The following GALNT18 variants were observed in gnomAD, a reference collection of about 807,000 sequenced individuals.
GALNT18 encodes GalNAc-transferase 18.
A neutral mutation model predicts 69.5 loss-of-function variants in GALNT18; 44 were observed. The observed-to-expected ratio is 0.63, with a 90% CI of 0.50 to 0.81. GALNT18 has a LOEUF of 0.81. GALNT18 is among the 40% of genes least tolerant of loss of function. The pLI is 0.00. For synonymous variants in GALNT18, 364 were observed against 318.2 expected (o/e 1.14, Z -1.53); for missense variants, 715 against 810.0 (o/e 0.88, Z 1.42).
intron 10 of GALNT18, among the ~76,000 whole-genome samples, chr11:11,287,770 T>G (rs994462440): frequency 1.2e-4 from 18 of 152,194 alleles, no homozygotes; most frequent in African/African-American, 4.1e-4. Flanking sequence ...CATGTGCTGA[T>G]GCGGGAGACA....
Position 11,582,970 on chromosome 11 carries a change from C to A in GALNT18, c.235+38389G>T, listed in dbSNP as rs572828662. Among the ~76,000 whole-genome samples, 2 of 152,266 alleles carry A rather than the reference C, an allele frequency of 1.3e-5. No homozygotes were observed. Among genetic ancestry groups the A allele is most frequent in the East Asian group, 3.9e-4 (2 of 5,180 alleles). On this transcript the variant is annotated intron_variant, in intron 1 of 10. Coordinates refer to ENST00000227756, the MANE Select transcript of GALNT18 (RefSeq NM_198516.3). This position sits in a 1 kb window ranked among gnomAD's most constrained non-coding sequence, Gnocchi z 5.0. ...GAGGAAGATCTAAGATTTCCCTGAA[C>A]CATCCTATTATCCCCCATGCTATTT...
intron 6 of GALNT18, among the ~76,000 whole-genome samples, chr11:11,349,785 T>C (rs1850366520): frequency 6.6e-6 from 1 of 152,260 alleles, no homozygotes; most frequent in South Asian, 2.1e-4. Context: ...TTTTAATGTA[T>C]TTTAGTGTAA....
At position 11,389,310 on chromosome 11, in the gene GALNT18, A is replaced by G. The variant is rs765018105; in HGVS notation, c.596-10046T>C. Among the ~76,000 whole-genome samples, 1 of 152,200 alleles carries G rather than the reference A, an allele frequency of 6.6e-6. No individual in the cohort carries two copies. Among genetic ancestry groups the G allele is most frequent in the Non-Finnish European group, 1.5e-5 (1 of 68,040 alleles). On this transcript the variant is annotated intron_variant, in intron 3 of 10. Coordinates refer to ENST00000227756, the MANE Select transcript of GALNT18 (RefSeq NM_198516.3). This position sits in a 1 kb window ranked among gnomAD's most constrained non-coding sequence, Gnocchi z 4.3. ...CAACAGAAGCTCTTCCCCTGGGACC[A>G]TAACTCCGTGTCCTCTATTTGTCCA... is the stretch of plus-strand genomic sequence containing the variant.
intron 1 of GALNT18, among the ~76,000 whole-genome samples, chr11:11,455,417 G>T (rs1855903482): frequency 6.6e-6 from 1 of 152,058 alleles, no homozygotes; most frequent in Admixed American, 6.5e-5. Context: ...GAAGTGAGGG[G>T]AAATGGGGCA....
chr11:11,346,501 C>T (rs191202926), intron 6 of GALNT18, among the ~76,000 whole-genome samples: 1 of 152,350 alleles, frequency 6.6e-6, no homozygotes, highest in Non-Finnish European at 1.5e-5. Flanking sequence ...TAAGCGCATA[C>T]TGCTGCAATC....
intron 5 of GALNT18, among the ~76,000 whole-genome samples, chr11:11,375,925 A>G (rs12294127): frequency 0.045 from 6,827 of 152,276 alleles, 207 homozygotes; most frequent in South Asian, 0.11. Context: ...CTGACTTTCA[A>G]TTAAATTTTT....
chr11:11,283,640 C>T (rs531576610), intron 10 of GALNT18, among the ~76,000 whole-genome samples: 12 of 152,216 alleles, frequency 7.9e-5, no homozygotes, highest in Non-Finnish European at 1.8e-4. Flanking sequence ...GGGCTTCGTG[C>T]AGAGACCTGG....
rs147029526 is a variant in GALNT18, at chr11:11,617,966, C to T, written c.235+3393G>A. ...ATAAGTTATCCACCCTCTCATTTAA[C>T]GTCTATTTGGTCAAAAAACTTCCCA... On this transcript the variant is annotated intron_variant, in intron 1 of 10. Coordinates refer to ENST00000227756, the MANE Select transcript of GALNT18 (RefSeq NM_198516.3). This position sits in a 1 kb window ranked among gnomAD's most constrained non-coding sequence, Gnocchi z 4.7. Among the ~76,000 whole-genome samples, 4 of 152,282 alleles carry T rather than the reference C, an allele frequency of 2.6e-5. No homozygotes were observed. Among genetic ancestry groups the T allele is most frequent in the East Asian group, 1.9e-4 (1 of 5,188 alleles).
rs935729399 is a variant in GALNT18, at chr11:11,523,646, G to C, written c.236-74710C>G. ...AGGCAGGAGAATGGTGAGAACCCGGGAGGAAGAGGTTGCAGTGAGCCGAGA... is the reference window on the plus strand; with the variant it reads ...AGGCAGGAGAATGGTGAGAACCCGGCAGGAAGAGGTTGCAGTGAGCCGAGA... On this transcript the variant is annotated intron_variant, in intron 1 of 10. Coordinates refer to ENST00000227756, the MANE Select transcript of GALNT18 (RefSeq NM_198516.3). This position sits in a 1 kb window ranked among gnomAD's most constrained non-coding sequence, Gnocchi z 4.3. Among the ~76,000 whole-genome samples, 1 of 151,754 alleles carries C rather than the reference G, an allele frequency of 6.6e-6. No individual in the cohort carries two copies. The highest frequency in any genetic ancestry group is 1.5e-5 in the Non-Finnish European group (1 of 67,926).
At chr11:11,593,026 C>T (rs1859395739) in intron 1 of GALNT18, among the ~76,000 whole-genome samples, 1 of 152,190 alleles carries the variant, frequency 6.6e-6, no homozygotes, top group Admixed American at 6.5e-5. Flanking sequence ...CGCCATTCTC[C>T]TGCCTCAGCC....
chr11:11,585,808 T>G (rs1859205744), intron 1 of GALNT18, among the ~76,000 whole-genome samples: 1 of 150,646 alleles, frequency 6.6e-6, no homozygotes, highest in Non-Finnish European at 1.5e-5. Context: ...TAAGTTTTTT[T>G]TTTTTTTTTT....
chr11:11,407,922 C>T (rs1225626482), intron 3 of GALNT18, among the ~76,000 whole-genome samples: 2 of 152,210 alleles, frequency 1.3e-5, no homozygotes, highest in Non-Finnish European at 2.9e-5. Context: ...GCCCCACCCG[C>T]AGTCATTCAC....
At chr11:11,355,571 A>T (rs575931968) in intron 6 of GALNT18, among the ~76,000 whole-genome samples, 65 of 138,342 alleles carry the variant, frequency 4.7e-4, no homozygotes, top group African/African-American at 1.8e-3. Context: ...TTACATATTT[A>T]TTATTTATTT....
intron 1 of GALNT18, among the ~76,000 whole-genome samples, chr11:11,492,245 A>G (rs1856785777): frequency 6.6e-6 from 1 of 152,194 alleles, no homozygotes; most frequent in African/African-American, 2.4e-5. Context: ...GTGCCAGGCA[A>G]TAGGCATACA....
chr11:11,510,798 C>T (rs1590062325), intron 1 of GALNT18, among the ~76,000 whole-genome samples: 1 of 152,192 alleles, frequency 6.6e-6, no homozygotes, highest in Admixed American at 6.5e-5. Flanking sequence ...AATCTCAGGG[C>T]TGGGCACATT....
At chr11:11,466,842 C>T (rs547867265) in intron 1 of GALNT18, among the ~76,000 whole-genome samples, 1 of 152,222 alleles carries the variant, frequency 6.6e-6, no homozygotes, top group East Asian at 1.9e-4. Context: ...GAGACCTGGG[C>T]AGGGTGTTCC....
At chr11:11,319,697 C>T (rs1004269462) in intron 9 of GALNT18, among the ~76,000 whole-genome samples, 3 of 152,210 alleles carry the variant, frequency 2.0e-5, no homozygotes, top group South Asian at 2.1e-4. Context: ...GTGCTGATGA[C>T]GGAGATGTCA....
At chr11:11,443,149 G>A (rs992517483) in intron 2 of GALNT18, among the ~76,000 whole-genome samples, 1 of 152,174 alleles carries the variant, frequency 6.6e-6, no homozygotes. Context: ...CAGAACTGGA[G>A]AGCACACATG....
chr11:11,568,955 A>T (rs1858717901), intron 1 of GALNT18, among the ~76,000 whole-genome samples: 3 of 152,198 alleles, frequency 2.0e-5, no homozygotes, highest in Admixed American at 6.5e-5. Context: ...TTGCTTAGCC[A>T]AGAATCCCAT....
Sources: gnomAD v4.1 joint callset for allele counts (sites outside exome capture counted in the v4.1 genomes callset) on GRCh38, gnomAD v4.1.1 for gene constraint, Gnocchi (gnomAD v3.1) non-coding constraint, MANE v1.5 for transcripts, NCBI Gene and HGNC (gene_info 2026-07-23, HGNC 2026-07-21) for gene names.